The following TGFB2 variants were observed in gnomAD, a reference collection of about 807,000 sequenced individuals.
TGFB2 encodes transforming growth factor beta-2 proprotein.
TGFB2 carries 13 observed loss-of-function variants against 42.7 expected under a neutral mutation model. That is an observed-to-expected ratio of 0.30 (90% CI 0.20 to 0.48). The LOEUF is 0.48. Among genes scored for constraint, TGFB2 ranks in the 20% least tolerant of loss-of-function variants. The probability of loss-of-function intolerance (pLI) is 0.99; values close to 1 mark genes in which losing one functional copy is unlikely to be tolerated. For missense variants in TGFB2, 390 were observed against 517.5 expected (o/e 0.75, Z 2.39); for synonymous variants, 193 against 193.6 (o/e 1.00, Z 0.03).
rs1480035617 is a variant in TGFB2 at position 218,442,741 on chromosome 1, C to A, written c.*1379C>A. The A allele has an allele frequency of 2.0e-5, 3 of 151,728 alleles. No homozygotes were observed. The East Asian group carries it at 5.8e-4, about 29-fold the overall frequency. 9.4% of individuals were successfully genotyped at this position (151,728 alleles called of 1,614,324 possible). A position where few individuals can be genotyped will look rare whatever the true frequency, so the allele number is the denominator to read the frequency against. Reference sequence around the variant, plus strand: ...TTCATCTTCCAAGCATCATTACTAACCAAGTCAGACGTTAACAAATTTTTA... The same window carrying A: ...TTCATCTTCCAAGCATCATTACTAAACAAGTCAGACGTTAACAAATTTTTA... On this transcript the variant is annotated 3_prime_UTR_variant, in exon 7 of 7. Coordinates refer to ENST00000366930, the MANE Select transcript of TGFB2 (RefSeq NM_003238.6).
chr1:218,394,490 T>C (rs1658431849), intron 1 of TGFB2, among the ~76,000 whole-genome samples: 1 of 152,034 alleles, frequency 6.6e-6, no homozygotes, highest in Non-Finnish European at 1.5e-5. Flanking sequence ...TTGCGCAGTG[T>C]AAGAAGGAGC....
chr1:218,436,582 A>C (rs186456563), intron 5 of TGFB2, among the ~76,000 whole-genome samples: 21 of 152,362 alleles, frequency 1.4e-4, no homozygotes, highest in Admixed American at 3.9e-4. Context: ...CAGCAGAAGA[A>C]TGCCGTGTGT....
chr1:218,389,197 A>G (rs1658237398), intron 1 of TGFB2, among the ~76,000 whole-genome samples: 1 of 152,128 alleles, frequency 6.6e-6, no homozygotes, highest in South Asian at 2.1e-4. Context: ...CACTATGAAG[A>G]CCTAAAGGAT....
At chr1:218,379,932 T>C (rs1657901718) in intron 1 of TGFB2, among the ~76,000 whole-genome samples, 1 of 152,212 alleles carries the variant, frequency 6.6e-6, no homozygotes, top group Non-Finnish European at 1.5e-5. Context: ...ATTTAGTCAA[T>C]AATAACAATA....
rs902639406 is a variant in TGFB2, at chr1:218,443,006, A to G, written c.*1644A>G. ...AATATTCAGGGGGAAATTGAAAGATATATATTTTAGTCGATTTTTCAAAAG... is the reference window on the plus strand; with the variant it reads ...AATATTCAGGGGGAAATTGAAAGATGTATATTTTAGTCGATTTTTCAAAAG... On this transcript the variant is annotated 3_prime_UTR_variant, in exon 7 of 7. Coordinates refer to ENST00000366930, the MANE Select transcript of TGFB2 (RefSeq NM_003238.6). The G allele has an allele frequency of 3.9e-5, 6 of 152,294 alleles. No individual in the cohort carries two copies. In the South Asian group the frequency reaches 1.2e-3, roughly 32 times the overall value. The allele number at this position is 152,294 out of a possible 1,614,324, so 9.4% of individuals were successfully genotyped here. A position where few individuals can be genotyped will look rare whatever the true frequency, so the allele number is the denominator to read the frequency against.
At chr1:218,347,120 C>T (rs905214571) in intron 1 of TGFB2, 73 bp downstream of exon 1, 1 of 1,383,336 alleles carries the variant, frequency 7.2e-7, no homozygotes, top group Non-Finnish European at 9.9e-7. Context: ...CAGCAGCTCC[C>T]GGGATCGCCC....
intron 5 of TGFB2, 23 bp from the exon 6 acceptor site, chr1:218,437,320 C>CTTT (rs11285412): frequency 2.4e-5 from 35 of 1,430,702 alleles, no homozygotes; most frequent in African/African-American, 1.4e-4. Flanking sequence ...ATCTCCATTG[C>CTTT]TTTTTTTTTT....
chr1:218,408,753 C>T (rs528412123), intron 2 of TGFB2, among the ~76,000 whole-genome samples: 5 of 152,258 alleles, frequency 3.3e-5, no homozygotes, highest in South Asian at 4.1e-4. Context: ...AGGAGGACAC[C>T]GTGACATCAA....
intron 6 of TGFB2, among the ~76,000 whole-genome samples, chr1:218,440,054 A>G (rs939032383): frequency 1.3e-5 from 2 of 152,212 alleles, no homozygotes; most frequent in Admixed American, 6.5e-5. Context: ...ACATACTTCC[A>G]TTAGTAAAAG....
intron 1 of TGFB2, among the ~76,000 whole-genome samples, chr1:218,360,396 T>C (rs1657170062): frequency 6.6e-6 from 1 of 152,378 alleles, no homozygotes; most frequent in African/African-American, 2.4e-5. Context: ...TTCTATTTTA[T>C]GACTTGTGTT....
intron 1 of TGFB2, among the ~76,000 whole-genome samples, chr1:218,398,745 G>A (rs779812593): frequency 2.9e-4 from 44 of 151,796 alleles, no homozygotes; most frequent in Admixed American, 1.0e-3. Flanking sequence ...CTGCCACCAC[G>A]CCCAGCTAAT....
At chr1:218,418,011 G>A (rs1659336654) in intron 2 of TGFB2, among the ~76,000 whole-genome samples, 1 of 152,258 alleles carries the variant, frequency 6.6e-6, no homozygotes, top group Admixed American at 6.5e-5. Context: ...GGGCAGTGCA[G>A]AAGCGAAATA....
chr1:218,368,984 C>T (rs948122981), intron 1 of TGFB2, among the ~76,000 whole-genome samples: 9 of 151,914 alleles, frequency 5.9e-5, no homozygotes, highest in Admixed American at 2.6e-4. Flanking sequence ...GGGCCGGGCA[C>T]GGTGGCTCAT....
chr1:218,398,186 T>G (rs1331147464), intron 1 of TGFB2, among the ~76,000 whole-genome samples: 1 of 152,258 alleles, frequency 6.6e-6, no homozygotes, highest in Non-Finnish European at 1.5e-5. Flanking sequence ...AATGGTGCCA[T>G]CAGACTTTCC....
chr1:218,423,727 A>C (rs565243875), intron 2 of TGFB2, among the ~76,000 whole-genome samples: 1 of 152,318 alleles, frequency 6.6e-6, no homozygotes, highest in East Asian at 1.9e-4. Flanking sequence ...GAGTTTATTC[A>C]CTAGGCATTA....
chr1:218,368,841 T>G (rs920207087), intron 1 of TGFB2, among the ~76,000 whole-genome samples: 1 of 152,126 alleles, frequency 6.6e-6, no homozygotes, highest in Non-Finnish European at 1.5e-5. Context: ...GGGATGAGAT[T>G]AGAGAGATAA....
rs757596095 is a variant in TGFB2, at chr1:218,346,950, C to A, written c.249C>A (p.Ser83Arg). Residue 83 changes from serine to arginine, a missense_variant, in exon 1 of 7, where the codon AGC (serine) becomes AGA (arginine). Transcript: ENST00000366930. The surrounding 1 kb of genome is among the most constrained non-coding windows in gnomAD (Gnocchi z 4.9). ...STRDLLQEKA[S>R]RRAAACERER... ...GGGACTTGCTCCAGGAGAAGGCGAG[C>A]CGGAGGGCGGCCGCCTGCGAGCGCG... 1.9e-6 allele frequency: 3 copies of A among 1,614,014 alleles called. No homozygotes were observed. The highest frequency in any genetic ancestry group is 8.5e-7 in the Non-Finnish European group (1 of 1,179,956).
intron 1 of TGFB2, among the ~76,000 whole-genome samples, chr1:218,382,116 A>C (rs1295173769): frequency 6.6e-6 from 1 of 152,114 alleles, no homozygotes; most frequent in Admixed American, 6.5e-5. Context: ...TGAAAAAAAA[A>C]ATTTTATGAA....
chr1:218,393,440 A>C (rs1001443309), intron 1 of TGFB2, among the ~76,000 whole-genome samples: 1 of 152,234 alleles, frequency 6.6e-6, no homozygotes. Context: ...AGTTTAATTC[A>C]TTAAAGGAAT....
Sources: allele counts gnomAD v4.1 joint callset (sites outside exome capture counted in the v4.1 genomes callset), GRCh38; gene constraint gnomAD v4.1.1; non-coding constraint Gnocchi (gnomAD v3.1); transcripts MANE v1.5; gene names NCBI Gene and HGNC (gene_info 2026-07-23, HGNC 2026-07-21).